ALCAM: variants seen among roughly 807,000 people sequenced by gnomAD.
ALCAM encodes the protein CD166 antigen.
A neutral mutation model predicts 70.9 loss-of-function variants in ALCAM; 30 were observed. That is an observed-to-expected ratio of 0.42 (90% confidence interval 0.32 to 0.57). ALCAM has a LOEUF of 0.57. ALCAM is among the 20% of genes least tolerant of loss of function. ALCAM has a pLI of 0.11. For missense variants in ALCAM, 591 were observed against 695.1 expected, an observed-to-expected ratio of 0.85 and a Z score of 1.68; for synonymous variants, 249 against 242.5, an observed-to-expected ratio of 1.03 and a Z score of -0.25.
At chr3:105,535,805 A>T (rs1939954585) in intron 6 of ALCAM, among the ~76,000 whole-genome samples, 1 of 152,084 alleles carries the variant, frequency 6.6e-6, no homozygotes, top group Admixed American at 6.6e-5. Context: ...TGTGTTCTAC[A>T]GTAACCTAGC....
At chr3:105,571,736 C>T (rs1362590361) in intron 14 of ALCAM, 116 bp from the exon 15 acceptor site, 2 of 759,098 alleles carry the variant, frequency 2.6e-6, no homozygotes. Flanking sequence ...TTTTGCCTAG[C>T]GGTTTGCTGT....
At chr3:105,441,036 C>G (rs1401619376) in intron 1 of ALCAM, among the ~76,000 whole-genome samples, 1 of 152,098 alleles carries the variant, frequency 6.6e-6, no homozygotes, top group African/African-American at 2.4e-5. Context: ...GAGTTAGAAC[C>G]TCCATCCAAG....
chr3:105,544,846 T>C (rs1413953204), intron 8 of ALCAM: 3 of 194,188 alleles, frequency 1.5e-5, no homozygotes, highest in African/African-American at 4.8e-5. Context: ...CCAACATTTA[T>C]GCCTTACTGT....
chr3:105,524,720 A>G, intron 3 of ALCAM: 1 of 1,316,138 alleles, frequency 7.6e-7, no homozygotes, highest in Admixed American at 3.4e-5. Context: ...GTGAGGAACT[A>G]AAATAATATT....
chr3:105,495,824 T>C (rs970575057), intron 1 of ALCAM, among the ~76,000 whole-genome samples: 4 of 152,200 alleles, frequency 2.6e-5, no homozygotes, highest in Non-Finnish European at 5.9e-5. Context: ...AATCACAGTA[T>C]TGTAGAATAG....
At chr3:105,375,179 A>G (rs989312499) in intron 1 of ALCAM, among the ~76,000 whole-genome samples, 1 of 152,178 alleles carries the variant, frequency 6.6e-6, no homozygotes, top group Admixed American at 6.5e-5. Flanking sequence ...CTTGCTTAAT[A>G]TGCATATTAT....
chr3:105,532,143 A>G, intron 4 of ALCAM, 77 bp downstream of exon 4: 1 of 1,220,448 alleles, frequency 8.2e-7, no homozygotes, highest in South Asian at 1.3e-5. Flanking sequence ...ATTCCAAGAC[A>G]AGTAAGAAAG....
At chr3:105,415,328 C>A (rs778395728) in intron 1 of ALCAM, among the ~76,000 whole-genome samples, 1 of 152,102 alleles carries the variant, frequency 6.6e-6, no homozygotes, top group African/African-American at 2.4e-5. Flanking sequence ...ACAAATAAAT[C>A]TTATAGATGC....
rs185763570 is a variant in ALCAM at position 105,503,290 on chromosome 3, T to C, written c.74-16777T>C. On this transcript the variant is annotated intron_variant, in intron 1 of 15. Coordinates refer to ENST00000306107, the MANE Select transcript of ALCAM (RefSeq NM_001627.4). ...AAAGACAGCTTTCCTATTTGCCTAG[T>C]GAGTGTGTGATTTCACACATAGTGT... Among the ~76,000 whole-genome samples the C allele has an allele frequency of 6.7e-3, 1,028 of 152,348 alleles. 6 individuals are homozygous for C. Among genetic ancestry groups the C allele is most frequent in the Non-Finnish European group, 0.01 (686 of 68,038 alleles).
At chr3:105,464,515 G>A (rs1026859448) in intron 1 of ALCAM, among the ~76,000 whole-genome samples, 5 of 151,218 alleles carry the variant, frequency 3.3e-5, no homozygotes. Flanking sequence ...ATAATTATAA[G>A]CATATTAGGA....
intron 14 of ALCAM, among the ~76,000 whole-genome samples, chr3:105,555,496 T>A (rs1940495189): frequency 6.6e-6 from 1 of 152,018 alleles, no homozygotes; most frequent in African/African-American, 2.4e-5. Flanking sequence ...AAGTTCAGAT[T>A]CATAATAAGA....
At chr3:105,423,896 G>A (rs1029702074) in intron 1 of ALCAM, among the ~76,000 whole-genome samples, 2 of 151,536 alleles carry the variant, frequency 1.3e-5, no homozygotes, top group Non-Finnish European at 3.0e-5. Context: ...ATTCTGTCTT[G>A]AATTAAATAA....
intron 1 of ALCAM, among the ~76,000 whole-genome samples, chr3:105,446,661 AC>A (rs1220770370): frequency 1.3e-5 from 2 of 151,276 alleles, no homozygotes; most frequent in Non-Finnish European, 2.9e-5. Context: ...ATAATGGAGT[AC>A]TACTGAGCCC....
rs74557095 is a variant in ALCAM, at chr3:105,415,475, C to T, written c.73+47994C>T. 8.5e-3 allele frequency among the ~76,000 whole-genome samples: 1,293 copies of T among 152,206 alleles called. 19 individuals carry two copies. The highest frequency in any genetic ancestry group is 0.029 in the African/African-American group (1,208 of 41,544). ...GGAAATAAACATTTCTGTCCACTGACAACAGCTTTCTTTTAAAGGAAAACA... is the reference window on the plus strand; with the variant it reads ...GGAAATAAACATTTCTGTCCACTGATAACAGCTTTCTTTTAAAGGAAAACA... On this transcript the variant is annotated intron_variant, in intron 1 of 15. Coordinates refer to ENST00000306107, the MANE Select transcript of ALCAM (RefSeq NM_001627.4).
rs769754054 is a variant in ALCAM at position 105,547,221 on chromosome 3, G to A, written c.1177G>A (p.Glu393Lys). The A allele has an allele frequency of 2.0e-5, 32 of 1,608,638 alleles. No individual in the cohort carries two copies. Among genetic ancestry groups the A allele is most frequent in the Non-Finnish European group, 2.5e-5 (29 of 1,177,100 alleles). ...HYQDAGNYVCETALQEVEGLK... is the reference protein window; with the variant it reads ...HYQDAGNYVCKTALQEVEGLK... ...TCAGGATGCTGGAAACTATGTCTGC[G>A]AAACTGCTCTGCAGGAGGTTGAAGG... is the stretch of plus-strand genomic sequence containing the variant. Residue 393 changes from glutamate (E) to lysine (K), a missense_variant, in exon 10 of 16, where the codon GAA becomes AAA. Glu to Lys is a moderately conservative substitution (Grantham distance 56, BLOSUM62 1). Coordinates refer to ENST00000306107, the MANE Select transcript of ALCAM (RefSeq NM_001627.4).
chr3:105,574,417 G>T (rs543044867), intron 15 of ALCAM, 60 bp from the exon 16 acceptor site: 5 of 151,986 alleles, frequency 3.3e-5, no homozygotes, highest in Non-Finnish European at 7.4e-5. Context: ...CAAAGTATCT[G>T]TTGATGTTAA....
intron 1 of ALCAM, among the ~76,000 whole-genome samples, chr3:105,500,102 A>C (rs1439692603): frequency 6.6e-6 from 1 of 152,152 alleles, no homozygotes; most frequent in Non-Finnish European, 1.5e-5. Context: ...TTTTGTTTAG[A>C]GCTCATATCA....
intron 14 of ALCAM, among the ~76,000 whole-genome samples, chr3:105,568,941 G>T (rs1276190025): frequency 6.6e-6 from 1 of 151,590 alleles, no homozygotes; most frequent in Non-Finnish European, 1.5e-5. Flanking sequence ...TTATTTTAAG[G>T]TTGTGAAATC....
intron 1 of ALCAM, among the ~76,000 whole-genome samples, chr3:105,418,252 T>G (rs1295910507): frequency 6.6e-6 from 1 of 151,864 alleles, no homozygotes; most frequent in Admixed American, 6.6e-5. Flanking sequence ...GGTAACTCTT[T>G]TGGTTTTAGG....
Sources: allele counts gnomAD v4.1 joint callset (sites outside exome capture counted in the v4.1 genomes callset), GRCh38; gene constraint gnomAD v4.1.1; transcripts MANE v1.5; gene names NCBI Gene and HGNC (gene_info 2026-07-23, HGNC 2026-07-21).